The following PRKN variants were observed in gnomAD, a reference collection of about 807,000 sequenced individuals.
PRKN encodes parkin RBR E3 ubiquitin protein ligase, also known as E3 ubiquitin-protein ligase parkin.
In PRKN, 56 loss-of-function variants were observed where a neutral mutation model predicts 59.5. That is an observed-to-expected ratio of 0.94 (90% CI 0.76 to 1.18). PRKN has a LOEUF of 1.18. Among genes scored for constraint, PRKN ranks in the 50% most tolerant of loss-of-function variants. The pLI is 0.00. For missense variants in PRKN, 657 were observed against 596.4 expected, an observed-to-expected ratio of 1.10 and a Z score of -1.06; for synonymous variants, 250 against 222.1, an observed-to-expected ratio of 1.13 and a Z score of -1.12.
At chr6:161,974,202 G>C (rs1780937836) in intron 5 of PRKN, among the ~76,000 whole-genome samples, 1 of 152,154 alleles carries the variant, frequency 6.6e-6, no homozygotes, top group South Asian at 2.1e-4. Flanking sequence ...GCTGAGGCAG[G>C]AGAATCACTT....
intron 1 of PRKN, among the ~76,000 whole-genome samples, chr6:162,519,755 C>T (rs1778012209): frequency 6.6e-6 from 1 of 152,028 alleles, no homozygotes; most frequent in Admixed American, 6.6e-5. Flanking sequence ...ACCAAATGGA[C>T]TCAGGAAATA....
intron 6 of PRKN, among the ~76,000 whole-genome samples, chr6:161,918,778 A>T (rs143091609): frequency 3.1e-3 from 470 of 152,318 alleles, no homozygotes; most frequent in African/African-American, 0.011. Context: ...TCACTTAACG[A>T]GATATACGAC....
At chr6:161,435,893 C>T (rs945031952) in intron 9 of PRKN, among the ~76,000 whole-genome samples, 1 of 78,512 alleles carries the variant, frequency 1.3e-5, no homozygotes, top group Non-Finnish European at 2.5e-5. Context: ...CCGACCCACT[C>T]CTCCCAGCAA....
intron 7 of PRKN, among the ~76,000 whole-genome samples, chr6:161,628,577 T>A (rs1271258969): frequency 6.6e-6 from 1 of 152,192 alleles, no homozygotes; most frequent in Non-Finnish European, 1.5e-5. Context: ...TAGCAGTGGG[T>A]AAACATTTAG....
At chr6:162,114,549 T>C (rs1780584002) in intron 4 of PRKN, among the ~76,000 whole-genome samples, 2 of 152,070 alleles carry the variant, frequency 1.3e-5, no homozygotes, top group African/African-American at 4.8e-5. Context: ...TGCTTGTGAT[T>C]TTTGTACATT....
At chr6:162,311,149 T>C (rs556080011) in intron 2 of PRKN, among the ~76,000 whole-genome samples, 4 of 152,152 alleles carry the variant, frequency 2.6e-5, no homozygotes, top group Non-Finnish European at 4.4e-5. Context: ...CCTGTAACAG[T>C]TGAAGTTTTG....
chr6:162,633,554 T>C (rs1037208785), intron 1 of PRKN, among the ~76,000 whole-genome samples: 2 of 151,512 alleles, frequency 1.3e-5, no homozygotes, highest in Non-Finnish European at 2.9e-5. Context: ...TTTCCAGAAC[T>C]TCACACATTT....
chr6:161,832,547 C>T (rs1792546825), intron 6 of PRKN, among the ~76,000 whole-genome samples: 1 of 150,496 alleles, frequency 6.6e-6, no homozygotes, highest in African/African-American at 2.4e-5. Flanking sequence ...TCGCTTGAAC[C>T]CAGGAGGCGG....
At chr6:162,408,821 A>G (rs1285811266) in intron 2 of PRKN, among the ~76,000 whole-genome samples, 1 of 152,130 alleles carries the variant, frequency 6.6e-6, no homozygotes, top group African/African-American at 2.4e-5. Flanking sequence ...TACTCTAAGC[A>G]TCTCTCATTT....
chr6:161,938,964 G>A (rs532656377), intron 6 of PRKN, among the ~76,000 whole-genome samples: 1 of 152,206 alleles, frequency 6.6e-6, no homozygotes, highest in South Asian at 2.1e-4. Context: ...AATCTTTGAT[G>A]TGTTCATTTA....
intron 6 of PRKN, among the ~76,000 whole-genome samples, chr6:161,789,241 C>T (rs1163987329): frequency 6.6e-6 from 1 of 152,202 alleles, no homozygotes; most frequent in Non-Finnish European, 1.5e-5. Context: ...TCATTAACTT[C>T]CTAAATGCTA....
intron 2 of PRKN, among the ~76,000 whole-genome samples, chr6:162,313,643 A>G (rs1187510010): frequency 1.3e-5 from 2 of 152,044 alleles, no homozygotes. Context: ...GCGTACCATC[A>G]TGCCCGGCTA....
At chr6:161,897,822 C>T (rs1777697049) in intron 6 of PRKN, among the ~76,000 whole-genome samples, 1 of 41,592 alleles carries the variant, frequency 2.4e-5, no homozygotes, top group South Asian at 1.1e-3. Context: ...ACAAAAAGTT[C>T]CGGGCGTAGT....
At chr6:162,212,468 C>T (rs1456070789) in intron 3 of PRKN, among the ~76,000 whole-genome samples, 2 of 152,164 alleles carry the variant, frequency 1.3e-5, no homozygotes, top group African/African-American at 4.8e-5. Flanking sequence ...AGGAAAGTTG[C>T]TCGGCCTGTG....
At chr6:161,394,364 C>G (rs1220621108) in intron 9 of PRKN, among the ~76,000 whole-genome samples, 1 of 151,906 alleles carries the variant, frequency 6.6e-6, no homozygotes, top group Non-Finnish European at 1.5e-5. Flanking sequence ...ACCCACGTTC[C>G]TTTGTCTTTC....
At position 161,363,682 on chromosome 6, in the gene PRKN, T is replaced by C. The variant is rs1021556421; in HGVS notation, c.1168-3477A>G. On this transcript the variant is annotated intron_variant, in intron 10 of 11. Transcript: ENST00000366898. The surrounding 1 kb of genome is among the most constrained non-coding windows in gnomAD (Gnocchi z 4.1). ...ATTATCTACAAAGAAGTTACAATTA[T>C]TCCCCCCAGCTGATTTCTTAATGCA... Among the ~76,000 whole-genome samples the C allele has an allele frequency of 2.0e-5, 3 of 152,180 alleles. No homozygotes were observed. Among genetic ancestry groups the C allele is most frequent in the African/African-American group, 7.2e-5 (3 of 41,434 alleles).
intron 3 of PRKN, among the ~76,000 whole-genome samples, chr6:162,213,395 A>G (rs1275234121): frequency 6.6e-6 from 1 of 152,064 alleles, no homozygotes; most frequent in East Asian, 1.9e-4. Flanking sequence ...GGTATTTCAC[A>G]ATGCATACAC....
At chr6:161,661,640 G>C (rs978019810) in intron 7 of PRKN, among the ~76,000 whole-genome samples, 2 of 151,920 alleles carry the variant, frequency 1.3e-5, no homozygotes, top group African/African-American at 4.8e-5. Flanking sequence ...CCAAAGTACA[G>C]GTTCTGTGAA....
chr6:162,023,615 C>T (rs569776800), intron 5 of PRKN, among the ~76,000 whole-genome samples: 1 of 152,258 alleles, frequency 6.6e-6, no homozygotes, highest in East Asian at 1.9e-4. Flanking sequence ...CCGATGTGCT[C>T]CTCTCCATGT....
Sources: gnomAD v4.1 joint callset for allele counts (sites outside exome capture counted in the v4.1 genomes callset) on GRCh38, gnomAD v4.1.1 for gene constraint, Gnocchi (gnomAD v3.1) non-coding constraint, MANE v1.5 for transcripts, NCBI Gene and HGNC (gene_info 2026-07-23, HGNC 2026-07-21) for gene names.